The following GPHN variants were observed in gnomAD, a reference collection of about 807,000 sequenced individuals.
GPHN encodes the protein gephyrin.
GPHN carries 17 observed loss-of-function variants against 95.5 expected under a neutral mutation model. The observed-to-expected ratio is 0.18, with a 90% CI of 0.12 to 0.27. The LOEUF is 0.27. Ranked by LOEUF, GPHN falls within the 10% of genes least tolerant of loss-of-function variation. The probability of loss-of-function intolerance (pLI) is 1.00; values close to 1 mark genes in which losing one functional copy is unlikely to be tolerated. For synonymous variants in GPHN, 320 were observed against 322.5 expected, an observed-to-expected ratio of 0.99 and a Z score of 0.08; for missense variants, 660 against 978.1, an observed-to-expected ratio of 0.67 and a Z score of 4.34.
At chr14:67,041,339 G>A (rs2074692133) in intron 10 of GPHN, among the ~76,000 whole-genome samples, 2 of 151,942 alleles carry the variant, frequency 1.3e-5, no homozygotes, top group East Asian at 1.9e-4. Flanking sequence ...CCTACATTAG[G>A]TATTTCTCCT....
At chr14:66,699,874 GAAATT>G (rs755145133) in intron 2 of GPHN, among the ~76,000 whole-genome samples, 41 of 152,222 alleles carry the variant, frequency 2.7e-4, no homozygotes, top group Non-Finnish European at 3.5e-4. Flanking sequence ...AACTAAATAT[GAAATT>G]AAATAATGAA....
At chr14:67,464,662 G>A in the GPHN span, among the ~76,000 whole-genome samples, 1 of 152,154 alleles carries the variant, frequency 6.6e-6, no homozygotes, top group Non-Finnish European at 1.5e-5. Context: ...CACGATCCAG[G>A]CTTCAGACTA....
Position 66,915,883 on chromosome 14 carries a change from A to C in GPHN, c.390-120A>C. The C allele has an allele frequency of 5.5e-6, 4 of 730,446 alleles. No homozygotes were observed. The South Asian group carries it at 5.9e-5, about 11-fold the overall frequency. The allele number at this position is 730,446 out of a possible 1,614,324, so 45.2% of individuals were successfully genotyped here. ...CAAGCAGTGAATGTCTTAAGATAAC[A>C]CTTTTATTCCTAAAACAGTTGTTCA... On this transcript the variant is annotated intron_variant, in intron 5 of 22. Transcript: ENST00000478722.
chr14:67,510,135 C>T, the GPHN span, among the ~76,000 whole-genome samples: 5 of 152,174 alleles, frequency 3.3e-5, no homozygotes, highest in Non-Finnish European at 5.9e-5. Context: ...GTGTTTCCAG[C>T]TGTGAGATGG....
chr14:67,317,192 G>A, the GPHN span, among the ~76,000 whole-genome samples: 5 of 152,202 alleles, frequency 3.3e-5, 1 homozygote, highest in East Asian at 9.6e-4. Context: ...GCTGGGTGTG[G>A]TGGTTTGCAC....
At chr14:67,082,579 T>G (rs2076734420) in intron 11 of GPHN, among the ~76,000 whole-genome samples, 1 of 152,222 alleles carries the variant, frequency 6.6e-6, no homozygotes. Context: ...CCTCCAACTT[T>G]GTTCTTTTTC....
chr14:66,737,252 C>G (rs566687249), intron 2 of GPHN, among the ~76,000 whole-genome samples: 16 of 152,170 alleles, frequency 1.1e-4, no homozygotes, highest in Non-Finnish European at 1.9e-4. Context: ...TTTTCCCCTT[C>G]CCTTTCCCCT....
At chr14:66,577,098 C>CT (rs1168935936) in intron 1 of GPHN, among the ~76,000 whole-genome samples, 1 of 152,154 alleles carries the variant, frequency 6.6e-6, no homozygotes, top group Non-Finnish European at 1.5e-5. Flanking sequence ...ATCTTGTTGA[C>CT]TGACGATTCT....
At chr14:67,304,405 C>T in the GPHN span, among the ~76,000 whole-genome samples, 5 of 152,164 alleles carry the variant, frequency 3.3e-5, no homozygotes, top group Non-Finnish European at 7.3e-5. Context: ...AAATGTCTGT[C>T]AGGTGATGAA....
chr14:66,909,754 T>C (rs1259368501), intron 5 of GPHN, among the ~76,000 whole-genome samples: 1 of 151,928 alleles, frequency 6.6e-6, no homozygotes, highest in Non-Finnish European at 1.5e-5. Context: ...AGTATACTTC[T>C]GTCCAATATT....
chr14:67,462,549 G>A, the GPHN span, among the ~76,000 whole-genome samples: 1 of 152,180 alleles, frequency 6.6e-6, no homozygotes, highest in Admixed American at 6.5e-5. Context: ...TTGCTATGTT[G>A]CCCAAGCTAG....
chr14:66,976,885 T>C (rs2070266409), intron 9 of GPHN, among the ~76,000 whole-genome samples: 1 of 113,696 alleles, frequency 8.8e-6, no homozygotes, highest in Non-Finnish European at 1.7e-5. Context: ...AGTCATTTAA[T>C]AAAATAAATA....
chr14:66,975,226 T>G (rs1458091413), intron 9 of GPHN, among the ~76,000 whole-genome samples: 1 of 152,218 alleles, frequency 6.6e-6, no homozygotes, highest in Admixed American at 6.5e-5. Flanking sequence ...TGTCTTATTT[T>G]CTAGTTTTAA....
the GPHN span, among the ~76,000 whole-genome samples, chr14:67,675,224 C>A: frequency 0.028 from 4,277 of 152,168 alleles, 217 homozygotes; most frequent in African/African-American, 0.098. Flanking sequence ...AGAAGTGGAA[C>A]CCGGCCGGGC....
chr14:66,794,418 C>A (rs1400981618), intron 3 of GPHN, among the ~76,000 whole-genome samples: 2 of 152,162 alleles, frequency 1.3e-5, no homozygotes, highest in Admixed American at 6.5e-5. Context: ...GTACAGCCTG[C>A]AGAACTGTGA....
chr14:66,800,055 TAAAC>T (rs1015970355), intron 3 of GPHN, among the ~76,000 whole-genome samples: 10 of 152,092 alleles, frequency 6.6e-5, no homozygotes, highest in South Asian at 2.1e-4. Flanking sequence ...ACTTTTTGCA[TAAAC>T]AAACAAGCAA....
At chr14:67,373,675 A>G in the GPHN span, among the ~76,000 whole-genome samples, 1 of 152,148 alleles carries the variant, frequency 6.6e-6, no homozygotes, top group East Asian at 1.9e-4. Flanking sequence ...TTAACCTTTC[A>G]TGGGTTTTAG....
chr14:67,030,717 AG>A (rs1180618082), intron 10 of GPHN, among the ~76,000 whole-genome samples: 13 of 152,124 alleles, frequency 8.5e-5, no homozygotes, highest in Admixed American at 7.9e-4. Flanking sequence ...TTTACAGTGT[AG>A]TGCTTTTCTG....
At chr14:66,572,949 A>C (rs900314559) in intron 1 of GPHN, among the ~76,000 whole-genome samples, 4 of 152,034 alleles carry the variant, frequency 2.6e-5, no homozygotes, top group African/African-American at 9.7e-5. Context: ...GCATTGTTTT[A>C]TTTTCCCTTT....
Sources: gnomAD v4.1 joint callset for allele counts (sites outside exome capture counted in the v4.1 genomes callset) on GRCh38, gnomAD v4.1.1 for gene constraint, MANE v1.5 for transcripts, NCBI Gene and HGNC (gene_info 2026-07-23, HGNC 2026-07-21) for gene names.